Variants in ARRB2 observed in about 807,000 individuals in gnomAD.
The protein encoded by ARRB2 is arrestin beta 2.
In ARRB2, 21 loss-of-function variants were observed where a neutral mutation model predicts 53.4. The ratio of observed to expected loss-of-function variants is 0.39; its 90% CI spans 0.28 to 0.57. The LOEUF (loss-of-function observed/expected upper bound fraction) is 0.57, where lower values mean the gene tolerates loss of function less well. ARRB2 is among the 20% of genes least tolerant of loss of function. The pLI, the probability that ARRB2 is intolerant of heterozygous loss-of-function variation, is 0.55. For missense variants in ARRB2, 369 were observed against 527.5 expected, an observed-to-expected ratio of 0.70 and a Z score of 2.94; for synonymous variants, 180 against 212.9, an observed-to-expected ratio of 0.85 and a Z score of 1.34.
At chr17:4,718,529 G>A (rs981090415) in intron 9 of ARRB2, 83 bp from the exon 10 acceptor site, 4 of 1,427,006 alleles carry the variant, frequency 2.8e-6, no homozygotes, top group Non-Finnish European at 3.9e-6. Flanking sequence ...AGCATGGGGG[G>A]GCCACGCCAC....
At chr17:4,714,309 G>A (rs1351211491) in intron 1 of ARRB2, among the ~76,000 whole-genome samples, 3 of 152,250 alleles carry the variant, frequency 2.0e-5, no homozygotes, top group African/African-American at 4.8e-5. Flanking sequence ...GACAGTTGGA[G>A]GTGAGTAGAG....
intron 1 of ARRB2, 139 bp from the exon 2 acceptor site, chr17:4,714,874 G>A (rs1485211931): frequency 1.2e-6 from 1 of 807,940 alleles, no homozygotes; most frequent in Non-Finnish European, 1.9e-6. Context: ...GAAAGGGGCA[G>A]AGCTGGGCAA....
chr17:4,719,497 G>A, intron 11 of ARRB2, 77 bp downstream of exon 11: 1 of 1,556,616 alleles, frequency 6.4e-7, no homozygotes, highest in Non-Finnish European at 8.7e-7. Context: ...TAGTGTGCCA[G>A]GGATGTATCA....
intron 1 of ARRB2, among the ~76,000 whole-genome samples, chr17:4,714,023 G>C (rs1156361680): frequency 6.6e-6 from 1 of 152,200 alleles, no homozygotes; most frequent in Non-Finnish European, 1.5e-5. Context: ...TGCTGGGCAT[G>C]GAGTAGTCAC....
At chr17:4,719,233 T>TGCCCA in intron 10 of ARRB2, 50 bp from the exon 11 acceptor site, 1 of 1,583,078 alleles carries the variant, frequency 6.3e-7, no homozygotes, top group Non-Finnish European at 8.6e-7. Flanking sequence ...GGCCGCCCCT[T>TGCCCA]GCCCAGCCCA....
rs1241471324 is a variant in ARRB2 at position 4,719,137 on chromosome 17, C to G, written c.780-146C>G. ...GCTCCAGGCTGTTAATTTTCTTGAG[C>G]ACGTTGAGCCAAAACCTACTCCCTT... On this transcript the variant is annotated intron_variant, in intron 10 of 14. Coordinates refer to ENST00000269260, the MANE Select transcript of ARRB2 (RefSeq NM_004313.4). 1.3e-5 allele frequency: 12 copies of G among 903,892 alleles called. No individual in the cohort carries two copies. In the East Asian group the frequency reaches 2.7e-4, roughly 21 times the overall value. 56.0% of individuals were successfully genotyped at this position (903,892 alleles called of 1,614,324 possible). A position where few individuals can be genotyped will look rare whatever the true frequency, so the allele number is the denominator to read the frequency against.
chr17:4,716,128 T>A lies in ARRB2; in HGVS notation c.116-19T>A, dbSNP rs1312957690. The A allele has an allele frequency of 1.2e-6, 2 of 1,614,102 alleles. No homozygotes were observed. The highest frequency in any genetic ancestry group is 3.3e-5 in the Admixed American group (2 of 60,022). On this transcript the variant is annotated intron_variant, in intron 3 of 14. Coordinates refer to ENST00000269260, the MANE Select transcript of ARRB2 (RefSeq NM_004313.4). ...GGAGCGGCCCTTTCAGGAAGTGAGC[T>A]GGTGTGTCCCCCTCCTAGATGGCGT...
At chr17:4,718,754 G>A (rs1344786896) in intron 10 of ARRB2, 70 bp downstream of exon 10, 3 of 1,422,308 alleles carry the variant, frequency 2.1e-6, no homozygotes, top group East Asian at 2.3e-5. Context: ...GTGAGGTGGA[G>A]GAAGAATTCT....
At chr17:4,711,340 C>T (rs966531587) in intron 1 of ARRB2, among the ~76,000 whole-genome samples, 1 of 152,072 alleles carries the variant, frequency 6.6e-6, no homozygotes, top group Admixed American at 6.6e-5. Flanking sequence ...GCAGTATTCA[C>T]CCTGGGCGCG....
At position 4,718,674 on chromosome 17, in the gene ARRB2, C is replaced by G. The variant is rs769011737; in HGVS notation, c.769C>G (p.Leu257Val). ...TAQYKCPVAQ[L>V]EQDDQVSPSS... Reference sequence around the variant, plus strand: ...CCAGTACAAGTGTCCTGTGGCTCAACTCGAACAAGAGTGAGTATCGGGAGA... The same window carrying G: ...CCAGTACAAGTGTCCTGTGGCTCAAGTCGAACAAGAGTGAGTATCGGGAGA... The change falls in exon 10 of 15, where the codon CTC (leucine) becomes GTC (valine). Residue 257 changes from leucine (L) to valine (V), a missense_variant. Leu to Val is a conservative substitution (Grantham distance 32). Coordinates refer to ENST00000269260, the MANE Select transcript of ARRB2 (RefSeq NM_004313.4). 9 of 1,613,636 alleles carry G rather than the reference C, an allele frequency of 5.6e-6. No homozygotes were observed. In the South Asian group the frequency reaches 6.6e-5, roughly 12 times the overall value.
chr17:4,720,314 G>A lies in ARRB2; in HGVS notation c.1001+15G>A. Reference sequence around the variant, plus strand: ...TCTCGAGGCGGGTGAGTGTCATGGGGGAGCCTGGGTGGGGGTCACACTGGC... The same window carrying A: ...TCTCGAGGCGGGTGAGTGTCATGGGAGAGCCTGGGTGGGGGTCACACTGGC... On this transcript the variant is annotated intron_variant, in intron 12 of 14. Transcript: ENST00000269260. 3 of 1,613,914 alleles carry A rather than the reference G, an allele frequency of 1.9e-6. No homozygotes were observed. In the South Asian group the frequency reaches 3.3e-5, roughly 18 times the overall value.
intron 2 of ARRB2, chr17:4,715,608 G>T: frequency 3.0e-6 from 1 of 332,258 alleles, no homozygotes; most frequent in Non-Finnish European, 5.7e-6. Context: ...AACACACCTC[G>T]CTGGTTGGGC....
chr17:4,715,522 G>T, intron 2 of ARRB2: 1 of 191,232 alleles, frequency 5.2e-6, no homozygotes, highest in Non-Finnish European at 1.0e-5. Context: ...CACACACCTG[G>T]CTGGTTGGGC....
Position 4,721,062 on chromosome 17 carries a change from G to A in ARRB2, c.*23G>A, listed in dbSNP as rs762829497. 6.2e-7 allele frequency: 1 copy of A among 1,605,364 alleles called. No individual in the cohort carries two copies. Among genetic ancestry groups the A allele is most frequent in the African/African-American group, 1.3e-5 (1 of 74,836 alleles). ...TAGGAAGCGGGGTGGGAAGAAGGGA[G>A]GGGATGGGGTTGGGAGAGGTGAGGG... On this transcript the variant is annotated 3_prime_UTR_variant, in exon 15 of 15. Coordinates refer to ENST00000269260, the MANE Select transcript of ARRB2 (RefSeq NM_004313.4). The surrounding 1 kb of genome is among the most constrained non-coding windows in gnomAD (Gnocchi z 4.2).
Position 4,717,352 on chromosome 17 carries a change from G to C in ARRB2, c.417+76G>C. On this transcript the variant is annotated intron_variant, in intron 6 of 14. Coordinates refer to ENST00000269260, the MANE Select transcript of ARRB2 (RefSeq NM_004313.4). This position sits in a 1 kb window ranked among gnomAD's most constrained non-coding sequence, Gnocchi z 6.0. ...GGAGCCTGGAGGCACAGCTGAGCCA[G>C]AGGGTGAACTGTCGAGATGCCAGGG... 6.5e-7 allele frequency: 1 copy of C among 1,550,044 alleles called. No individual in the cohort carries two copies.
chr17:4,720,833 C>A, intron 14 of ARRB2, 113 bp from the exon 15 acceptor site: 2 of 1,174,040 alleles, frequency 1.7e-6, no homozygotes, highest in South Asian at 1.4e-5. Context: ...TCTGGTCCCA[C>A]TGCTGTTCGA....
At chr17:4,718,407 G>A in intron 9 of ARRB2, 62 bp downstream of exon 9, 1 of 1,538,562 alleles carries the variant, frequency 6.5e-7, no homozygotes, top group Non-Finnish European at 8.9e-7. Flanking sequence ...GTGGCTCCTG[G>A]TGTGATCTCA....
At position 4,720,577 on chromosome 17, in the gene ARRB2, TC is replaced by T. The variant is rs1474797865; in HGVS notation, c.1082-3del. 6.2e-6 allele frequency: 9 copies of T among 1,454,532 alleles called. No individual in the cohort carries two copies. Among genetic ancestry groups the T allele is most frequent in the South Asian group, 1.2e-5 (1 of 82,592 alleles). The allele number at this position is 1,454,532 out of a possible 1,614,324, so 90.1% of individuals were successfully genotyped here. A position where few individuals can be genotyped will look rare whatever the true frequency, so the allele number is the denominator to read the frequency against. Reference sequence around the variant, plus strand: ...CCCACCCCCACACCCCCTCTTCCCGTCCCCCCAGCCGCTCCGGAGACAGATG... The same window carrying T: ...CCCACCCCCACACCCCCTCTTCCCGTCCCCCAGCCGCTCCGGAGACAGATG... On this transcript the variant is annotated splice_region_variant and splice_polypyrimidine_tract_variant and intron_variant, in intron 13 of 14. Transcript: ENST00000269260.
At chr17:4,716,891 G>A (rs1307931937) in intron 5 of ARRB2, 4 of 630,992 alleles carry the variant, frequency 6.3e-6, no homozygotes, top group African/African-American at 5.5e-5. Flanking sequence ...CTGGAGTGCA[G>A]TGGCACAATC....
Sources: gnomAD v4.1 joint callset for allele counts (sites outside exome capture counted in the v4.1 genomes callset) on GRCh38, gnomAD v4.1.1 for gene constraint, Gnocchi (gnomAD v3.1) non-coding constraint, MANE v1.5 for transcripts, NCBI Gene and HGNC (gene_info 2026-07-23, HGNC 2026-07-21) for gene names.